CSNK2A2IP: variants seen among roughly 807,000 people sequenced by gnomAD.
CSNK2A2IP encodes the protein casein kinase II subunit alpha'-interacting protein.
the CSNK2A2IP span, among the ~76,000 whole-genome samples, chr3:88,383,250 G>C: frequency 1.3e-5 from 2 of 152,164 alleles, no homozygotes; most frequent in Non-Finnish European, 2.9e-5. Context: ...AAATATAAGA[G>C]ATTATGCAGC....
chr3:88,442,755 T>C, the CSNK2A2IP span, among the ~76,000 whole-genome samples: 1 of 151,662 alleles, frequency 6.6e-6, no homozygotes, highest in East Asian at 1.9e-4. Flanking sequence ...GTCTAGCTAA[T>C]CTAGATTAAA....
the CSNK2A2IP span, among the ~76,000 whole-genome samples, chr3:88,446,819 T>C: frequency 6.6e-6 from 1 of 152,204 alleles, no homozygotes; most frequent in African/African-American, 2.4e-5. Flanking sequence ...ACTCAAGCTT[T>C]TTAACTATGC....
chr3:88,358,138 G>T, the CSNK2A2IP span, among the ~76,000 whole-genome samples: 5 of 152,116 alleles, frequency 3.3e-5, no homozygotes, highest in African/African-American at 9.6e-5. Context: ...TTTCCAGATT[G>T]TTTACTATTG....
chr3:88,467,195 C>T, the CSNK2A2IP span: 3 of 400,806 alleles, frequency 7.5e-6, no homozygotes, highest in Non-Finnish European at 8.8e-6. Flanking sequence ...CTCCCATCCA[C>T]CTCCTCCTCC....
chr3:88,366,734 G>A, the CSNK2A2IP span, among the ~76,000 whole-genome samples: 3 of 152,062 alleles, frequency 2.0e-5, no homozygotes, highest in African/African-American at 7.2e-5. Flanking sequence ...AAAGGACAAG[G>A]AAATCTTTCT....
At chr3:88,406,488 T>C in the CSNK2A2IP span, among the ~76,000 whole-genome samples, 4 of 152,198 alleles carry the variant, frequency 2.6e-5, no homozygotes, top group Non-Finnish European at 4.4e-5. Context: ...AGATAATTTT[T>C]AGAAATAAAT....
At chr3:88,447,756 C>A in the CSNK2A2IP span, among the ~76,000 whole-genome samples, 1 of 151,860 alleles carries the variant, frequency 6.6e-6, no homozygotes. Flanking sequence ...TTTTCTATGT[C>A]TTCTACTATG....
At chr3:88,381,984 A>T in the CSNK2A2IP span, among the ~76,000 whole-genome samples, 170 of 152,316 alleles carry the variant, frequency 1.1e-3, 1 homozygote, top group African/African-American at 4.0e-3. Context: ...TGACCAGGAG[A>T]TCAACTATGA....
the CSNK2A2IP span, among the ~76,000 whole-genome samples, chr3:88,447,723 T>C: frequency 7.2e-5 from 11 of 152,140 alleles, no homozygotes; most frequent in Non-Finnish European, 1.5e-4. Flanking sequence ...ATTTTTGTTT[T>C]CTCGATGATA....
chr3:88,432,328 CA>C, the CSNK2A2IP span, among the ~76,000 whole-genome samples: 1 of 151,540 alleles, frequency 6.6e-6, no homozygotes, highest in Non-Finnish European at 1.5e-5. Flanking sequence ...CTATTTTACT[CA>C]AAAATAGTTA....
the CSNK2A2IP span, among the ~76,000 whole-genome samples, chr3:88,451,897 A>C: frequency 2.9e-3 from 438 of 151,964 alleles, 2 homozygotes; most frequent in African/African-American, 9.9e-3. Flanking sequence ...AATCTTTATA[A>C]TTTTATACCT....
At chr3:88,463,308 G>A in the CSNK2A2IP span, among the ~76,000 whole-genome samples, 841 of 145,518 alleles carry the variant, frequency 5.8e-3, 5 homozygotes, top group Middle Eastern at 0.026. Flanking sequence ...AGCCAACCTT[G>A]GACCCTGAAA....
At chr3:88,359,048 TG>T in the CSNK2A2IP span, among the ~76,000 whole-genome samples, 1 of 151,802 alleles carries the variant, frequency 6.6e-6, no homozygotes, top group Middle Eastern at 3.2e-3. Context: ...TCTTTTTTTT[TG>T]TAAGTATAGT....
chr3:88,377,568 C>T, the CSNK2A2IP span, among the ~76,000 whole-genome samples: 1 of 151,554 alleles, frequency 6.6e-6, no homozygotes, highest in South Asian at 2.1e-4. Context: ...TTTCTTAAAA[C>T]ACACTATTGA....
the CSNK2A2IP span, among the ~76,000 whole-genome samples, chr3:88,344,851 C>A: frequency 6.6e-6 from 1 of 151,866 alleles, no homozygotes; most frequent in Admixed American, 6.6e-5. Context: ...ATTGAAAATG[C>A]AAATTAATTG....
chr3:88,434,777 C>T, the CSNK2A2IP span, among the ~76,000 whole-genome samples: 1 of 152,088 alleles, frequency 6.6e-6, no homozygotes, highest in Non-Finnish European at 1.5e-5. Context: ...GGGGCATGGA[C>T]ATTTAAAGAT....
chr3:88,366,021 A>G, the CSNK2A2IP span, among the ~76,000 whole-genome samples: 5 of 152,190 alleles, frequency 3.3e-5, no homozygotes, highest in Non-Finnish European at 7.3e-5. Flanking sequence ...GGAGATCATC[A>G]TCAATGTATA....
chr3:88,401,715 A>G, the CSNK2A2IP span, among the ~76,000 whole-genome samples: 55,860 of 151,936 alleles, frequency 0.37, 13,004 homozygotes, highest in South Asian at 0.55. Context: ...GTGGGAAGTT[A>G]TAATCTTTGC....
At chr3:88,382,148 A>G in the CSNK2A2IP span, among the ~76,000 whole-genome samples, 1 of 152,160 alleles carries the variant, frequency 6.6e-6, no homozygotes, top group Non-Finnish European at 1.5e-5. Flanking sequence ...GTTAGCCACT[A>G]CTTGGTGTAG....
Sources: allele counts gnomAD v4.1 joint callset (sites outside exome capture counted in the v4.1 genomes callset), GRCh38; gene constraint gnomAD v4.1.1; transcripts MANE v1.5; gene names NCBI Gene and HGNC (gene_info 2026-07-23, HGNC 2026-07-21).